Variants in TMEM39A observed in about 807,000 individuals in gnomAD.
TMEM39A encodes transmembrane protein 39A.
In TMEM39A, 19 loss-of-function variants were observed where a neutral mutation model predicts 51.9. The observed-to-expected ratio is 0.37, with a 90% CI of 0.26 to 0.54. The LOEUF (loss-of-function observed/expected upper bound fraction) is 0.54. Ranked by LOEUF, TMEM39A falls within the 20% of genes least tolerant of loss-of-function variation. The probability of loss-of-function intolerance (pLI) is 0.88; values close to 1 mark genes in which losing one functional copy is unlikely to be tolerated. For synonymous variants in TMEM39A, 197 were observed against 220.2 expected, an observed-to-expected ratio of 0.89 and a Z score of 0.93; for missense variants, 433 against 590.5, an observed-to-expected ratio of 0.73 and a Z score of 2.76.
In TMEM39A at chr3:119,432,302, A is replaced by T. The variant is rs530439119; in HGVS notation, c.1234-88T>A. The T allele has an allele frequency of 4.3e-5, 39 of 904,792 alleles. No homozygotes were observed. The African/African-American group carries it at 5.1e-4, about 12-fold the overall frequency. 56.0% of individuals were successfully genotyped at this position (904,792 alleles called of 1,614,324 possible). A position where few individuals can be genotyped will look rare whatever the true frequency, so the allele number is the denominator to read the frequency against. On this transcript the variant is annotated intron_variant, in intron 8 of 8. Transcript: ENST00000319172. ...TGCATTGATTTTTCTAAAATAATTT[A>T]ACATTTACAGGTTCCCATATATAAT...
chr3:119,449,623 C>T (rs1057396290), intron 4 of TMEM39A, among the ~76,000 whole-genome samples: 1 of 151,914 alleles, frequency 6.6e-6, no homozygotes, highest in Non-Finnish European at 1.5e-5. Flanking sequence ...ACTCTGTCTG[C>T]CCCCCACCCC....
chr3:119,441,480 T>C (rs2081053233), intron 5 of TMEM39A, among the ~76,000 whole-genome samples: 1 of 152,154 alleles, frequency 6.6e-6, no homozygotes, highest in Non-Finnish European at 1.5e-5. Context: ...CAAAGCCTAA[T>C]CCAGAGCAAA....
At chr3:119,450,924 T>C (rs1438191974) in intron 4 of TMEM39A, among the ~76,000 whole-genome samples, 2 of 152,018 alleles carry the variant, frequency 1.3e-5, no homozygotes, top group African/African-American at 4.8e-5. Flanking sequence ...AAGTTATCTT[T>C]GCAGCAACAA....
chr3:119,457,143 T>C (rs191698961), intron 3 of TMEM39A, among the ~76,000 whole-genome samples: 3 of 152,160 alleles, frequency 2.0e-5, no homozygotes, highest in Admixed American at 1.3e-4. Flanking sequence ...GTTAATTTTT[T>C]ATATTTTTAA....
In TMEM39A at chr3:119,461,959, T is replaced by C. The variant is rs1335613571; in HGVS notation, c.113+3A>G. 1 of 1,611,640 alleles carries C rather than the reference T, an allele frequency of 6.2e-7. No individual in the cohort carries two copies. The highest frequency in any genetic ancestry group is 8.5e-7 in the Non-Finnish European group (1 of 1,178,478). ...ATTATATATAGCCTTATTTTTTCTT[T>C]ACCTGTTTCTCAAGCCTGTTCCATT... is the stretch of plus-strand genomic sequence containing the variant. On this transcript the variant is annotated splice_donor_region_variant and intron_variant, in intron 2 of 8. Transcript: ENST00000319172.
chr3:119,438,064 A>C lies in TMEM39A; in HGVS notation c.615T>G (p.Asp205Glu), dbSNP rs185184230. The C allele has an allele frequency of 4.4e-6, 7 of 1,597,176 alleles. No individual in the cohort carries two copies. In the East Asian group the frequency reaches 1.6e-4, roughly 36 times the overall value. The change falls in exon 6 of 9, where the codon GAT becomes GAG. Residue 205 changes from aspartate to glutamate, a missense_variant. Transcript: ENST00000319172. ...VYVPLCCFHQ[D>E]SRAHLLLTDY... ...CTGTGAGAAGAAGATGTGCTCTACT[A>C]TCTTGATGAAAACAGCAAAGAGGAA...
At chr3:119,456,814 T>A (rs948071635) in intron 3 of TMEM39A, among the ~76,000 whole-genome samples, 3 of 152,172 alleles carry the variant, frequency 2.0e-5, no homozygotes, top group Non-Finnish European at 4.4e-5. Context: ...CTATGTTGCC[T>A]AGGCTGGTCT....
At position 119,432,147 on chromosome 3, in the gene TMEM39A, T is replaced by C. The variant is rs142587854; in HGVS notation, c.1301A>G (p.Tyr434Cys). 5 of 1,613,140 alleles carry C rather than the reference T, an allele frequency of 3.1e-6. No homozygotes were observed. Among genetic ancestry groups the C allele is most frequent in the African/African-American group, 1.3e-5 (1 of 74,840 alleles). ...CGACCGCAGCAAGGAATAGAGCTGA[T>C]AGAAGACGACACTGCCCTCAATAAG... ...LILIEGSVVF[Y>C]QLYSLLRSEK... The change falls in exon 9 of 9, where the codon TAT becomes TGT. Residue 434 changes from tyrosine (Y) to cysteine (C), a missense_variant. Coordinates refer to ENST00000319172, the MANE Select transcript of TMEM39A (RefSeq NM_018266.3).
chr3:119,435,123 G>A, intron 7 of TMEM39A: 5 of 985,344 alleles, frequency 5.1e-6, no homozygotes, highest in Non-Finnish European at 4.8e-6. Context: ...CAGTGTCAAA[G>A]GACTTAAGAG....
At chr3:119,463,302 C>G (rs1217362434) in intron 1 of TMEM39A, 34 bp downstream of exon 1, 3 of 325,366 alleles carry the variant, frequency 9.2e-6, no homozygotes, top group Non-Finnish European at 1.7e-5. Context: ...AGGTCCAGGA[C>G]AGCCGGACCT....
intron 7 of TMEM39A, chr3:119,435,131 G>C: frequency 1.0e-6 from 1 of 985,420 alleles, no homozygotes; most frequent in African/African-American, 1.7e-5. Flanking sequence ...AAGGACTTAA[G>C]AGGCTTAGAA....
chr3:119,462,304 C>T (rs924081069), intron 1 of TMEM39A, among the ~76,000 whole-genome samples, 156 bp from the exon 2 acceptor site: 2 of 151,954 alleles, frequency 1.3e-5, no homozygotes, highest in Non-Finnish European at 2.9e-5. Context: ...TAAAGGACTA[C>T]TCAGACTCTA....
chr3:119,434,554 C>T (rs1215725205), intron 8 of TMEM39A, among the ~76,000 whole-genome samples: 5 of 152,090 alleles, frequency 3.3e-5, no homozygotes, highest in Non-Finnish European at 4.4e-5. Flanking sequence ...AGCTAAGCTA[C>T]TGAAACTGGA....
Position 119,429,195 on chromosome 3 carries a change from T to A in TMEM39A, c.*2786A>T, listed in dbSNP as rs991188769. 6.7e-6 allele frequency among the ~76,000 whole-genome samples: 1 copy of A among 150,352 alleles called. No individual in the cohort carries two copies. The highest frequency in any genetic ancestry group is 1.5e-5 in the Non-Finnish European group (1 of 67,448). ...AGATGCCTGGCTAGCTTAATAGAAA[T>A]AAAAAAATTAATTAAAAAAAAGAGA... On this transcript the variant is annotated 3_prime_UTR_variant, in exon 9 of 9. Coordinates refer to ENST00000319172, the MANE Select transcript of TMEM39A (RefSeq NM_018266.3).
intron 4 of TMEM39A, among the ~76,000 whole-genome samples, chr3:119,449,774 G>A (rs781271908): frequency 2.0e-5 from 3 of 152,090 alleles, no homozygotes; most frequent in Admixed American, 6.6e-5. Context: ...GTTGCTTCAG[G>A]TTGGTGAAAA....
At chr3:119,447,662 T>C (rs2081146138) in intron 4 of TMEM39A, among the ~76,000 whole-genome samples, 1 of 152,168 alleles carries the variant, frequency 6.6e-6, no homozygotes, top group Admixed American at 6.5e-5. Context: ...TCTGTTGCTG[T>C]TGCCCAGGCT....
intron 3 of TMEM39A, among the ~76,000 whole-genome samples, chr3:119,456,019 G>C (rs1002652901): frequency 6.6e-6 from 1 of 152,066 alleles, no homozygotes; most frequent in Non-Finnish European, 1.5e-5. Flanking sequence ...TACCCATTTT[G>C]TCTTACATTC....
At chr3:119,444,070 G>C (rs2081092853) in intron 5 of TMEM39A, among the ~76,000 whole-genome samples, 1 of 152,140 alleles carries the variant, frequency 6.6e-6, no homozygotes, top group South Asian at 2.1e-4. Flanking sequence ...AGGTATGCCT[G>C]TATGTTTAAA....
intron 7 of TMEM39A, chr3:119,435,676 T>TAA (rs11410721): frequency 9.1e-4 from 850 of 930,142 alleles, no homozygotes; most frequent in South Asian, 6.7e-3. Flanking sequence ...GATATGTTAT[T>TAA]AAAAAAAAAA....
Sources: gnomAD v4.1 joint callset for allele counts (sites outside exome capture counted in the v4.1 genomes callset) on GRCh38, gnomAD v4.1.1 for gene constraint, MANE v1.5 for transcripts, NCBI Gene and HGNC (gene_info 2026-07-23, HGNC 2026-07-21) for gene names.